The following ASPRV1 variants were observed in gnomAD, a reference collection of about 807,000 sequenced individuals.
The protein encoded by ASPRV1 is retroviral-like aspartic protease 1.
Under a neutral mutation model 11.0 loss-of-function variants are expected in ASPRV1, and 7 were observed. The observed-to-expected ratio is 0.64, with a 90% CI of 0.36 to 1.20. ASPRV1 has a LOEUF of 1.20. Among genes scored for constraint, ASPRV1 ranks in the 50% most tolerant of loss-of-function variants. The pLI, the probability that ASPRV1 is intolerant of heterozygous loss-of-function variation, is 0.02. For synonymous variants in ASPRV1, 136 were observed against 138.4 expected (o/e 0.98, Z 0.12); for missense variants, 299 against 320.0 (o/e 0.93, Z 0.50).
the ASPRV1 span, among the ~76,000 whole-genome samples, chr2:70,086,785 G>A: frequency 4.6e-5 from 7 of 152,366 alleles, no homozygotes; most frequent in Non-Finnish European, 7.4e-5. Flanking sequence ...GTAAATGGAC[G>A]CCATTCTTTT....
the ASPRV1 span, among the ~76,000 whole-genome samples, chr2:69,973,382 T>C: frequency 6.6e-6 from 1 of 151,946 alleles, no homozygotes; most frequent in Non-Finnish European, 1.5e-5. Flanking sequence ...GAACTTCACT[T>C]GTTGTTTTTT....
At chr2:70,025,883 A>G in the ASPRV1 span, among the ~76,000 whole-genome samples, 3 of 152,238 alleles carry the variant, frequency 2.0e-5, no homozygotes, top group African/African-American at 7.2e-5. Context: ...AAGAATTAAA[A>G]TATGGACCAT....
the ASPRV1 span, among the ~76,000 whole-genome samples, chr2:70,032,739 T>TGG: frequency 6.6e-6 from 1 of 152,140 alleles, no homozygotes; most frequent in Non-Finnish European, 1.5e-5. Flanking sequence ...CCCAACCTCT[T>TGG]TACCCCTAAT....
At chr2:70,051,284 G>A in the ASPRV1 span, 4 of 152,140 alleles carry the variant, frequency 2.6e-5, no homozygotes, top group Admixed American at 2.0e-4. Context: ...CTTAACCACT[G>A]TGTTACAAGA....
chr2:69,938,573 AG>A, the ASPRV1 span: 1 of 317,470 alleles, frequency 3.1e-6, no homozygotes, highest in Non-Finnish European at 5.9e-6. Flanking sequence ...TCCACATCTC[AG>A]CAATCCCCCT....
the ASPRV1 span, among the ~76,000 whole-genome samples, chr2:69,995,100 T>C: frequency 2.7e-5 from 4 of 150,442 alleles, no homozygotes; most frequent in African/African-American, 9.8e-5. Flanking sequence ...GACAAAACTT[T>C]TGCGGCCGGG....
At chr2:69,991,048 T>A in the ASPRV1 span, among the ~76,000 whole-genome samples, 1 of 152,158 alleles carries the variant, frequency 6.6e-6, no homozygotes, top group Non-Finnish European at 1.5e-5. Context: ...GGTCCCTCTC[T>A]CATCTTTGGT....
At chr2:70,027,736 CAT>C in the ASPRV1 span, among the ~76,000 whole-genome samples, 1 of 152,162 alleles carries the variant, frequency 6.6e-6, no homozygotes, top group Admixed American at 6.5e-5. Context: ...TGGTTACAAA[CAT>C]ATAGTTAGAT....
the ASPRV1 span, chr2:70,054,041 TAA>T: frequency 6.6e-6 from 1 of 152,282 alleles, no homozygotes; most frequent in Non-Finnish European, 1.5e-5. Context: ...GTTATAAAAA[TAA>T]GAGGGCTCAC....
At chr2:70,051,500 G>A in the ASPRV1 span, among the ~76,000 whole-genome samples, 4 of 152,148 alleles carry the variant, frequency 2.6e-5, no homozygotes, top group Non-Finnish European at 5.9e-5. Context: ...TAGTGCACAA[G>A]CATGCAAAGA....
At chr2:70,081,985 T>C in the ASPRV1 span, among the ~76,000 whole-genome samples, 1 of 152,000 alleles carries the variant, frequency 6.6e-6, no homozygotes, top group Non-Finnish European at 1.5e-5. Context: ...AATTTTTTAT[T>C]TTTATTTTTT....
At chr2:69,980,101 C>G in the ASPRV1 span, among the ~76,000 whole-genome samples, 8 of 152,216 alleles carry the variant, frequency 5.3e-5, no homozygotes, top group Non-Finnish European at 1.0e-4. Flanking sequence ...CAAGTCTGTA[C>G]AGGGAGCACG....
the ASPRV1 span, chr2:70,086,476 G>A: frequency 1.3e-5 from 2 of 152,158 alleles, no homozygotes; most frequent in Non-Finnish European, 1.5e-5. Flanking sequence ...GGGAAGAACC[G>A]GCAAAAAAGG....
At chr2:69,997,993 T>C in the ASPRV1 span, 1 of 152,250 alleles carries the variant, frequency 6.6e-6, no homozygotes, top group Non-Finnish European at 1.5e-5. Flanking sequence ...TTGTTGAAAC[T>C]GAGGCATAGA....
chr2:70,059,215 C>T, the ASPRV1 span, among the ~76,000 whole-genome samples: 1 of 151,316 alleles, frequency 6.6e-6, no homozygotes, highest in African/African-American at 2.4e-5. Flanking sequence ...TTTAAAAGCA[C>T]CTCTTTCACT....
At chr2:69,996,472 T>A in the ASPRV1 span, among the ~76,000 whole-genome samples, 2 of 152,140 alleles carry the variant, frequency 1.3e-5, no homozygotes, top group African/African-American at 4.8e-5. Flanking sequence ...AAATGTTCAA[T>A]AGCCACATGT....
the ASPRV1 span, among the ~76,000 whole-genome samples, chr2:70,016,747 G>C: frequency 6.6e-6 from 1 of 152,042 alleles, no homozygotes; most frequent in Admixed American, 6.6e-5. Flanking sequence ...AGGAGGCTGA[G>C]GCATGAGAAT....
chr2:70,079,758 C>A, the ASPRV1 span, among the ~76,000 whole-genome samples: 1 of 152,208 alleles, frequency 6.6e-6, no homozygotes, highest in Non-Finnish European at 1.5e-5. Context: ...TAAACCTGTT[C>A]TTTCCTATTC....
chr2:70,044,306 A>G, the ASPRV1 span, among the ~76,000 whole-genome samples: 1 of 152,184 alleles, frequency 6.6e-6, no homozygotes, highest in East Asian at 1.9e-4. Flanking sequence ...GTCCCCTGAA[A>G]TTATACCACT....
Sources: allele counts gnomAD v4.1 joint callset (sites outside exome capture counted in the v4.1 genomes callset), GRCh38; gene constraint gnomAD v4.1.1; transcripts MANE v1.5; gene names NCBI Gene and HGNC (gene_info 2026-07-23, HGNC 2026-07-21).